Variants in DAPP1 observed in about 807,000 individuals in gnomAD.
The protein encoded by DAPP1 is dual adaptor of phosphotyrosine and 3-phosphoinositides 1.
DAPP1 carries 20 observed loss-of-function variants against 41.5 expected under a neutral mutation model. The observed-to-expected ratio is 0.48, with a 90% CI of 0.34 to 0.70. DAPP1 has a LOEUF of 0.70. Ranked by LOEUF, DAPP1 falls within the 30% of genes least tolerant of loss-of-function variation. DAPP1 has a pLI of 0.01. For missense variants in DAPP1, 233 were observed against 333.4 expected (o/e 0.70, Z 2.35); for synonymous variants, 113 against 116.2 (o/e 0.97, Z 0.18).
At chr4:99,821,370 A>G (rs775479040) in intron 1 of DAPP1, among the ~76,000 whole-genome samples, 1 of 152,234 alleles carries the variant, frequency 6.6e-6, no homozygotes, top group Non-Finnish European at 1.5e-5. Context: ...GAGCTGAGAG[A>G]CACACCTAGG....
At chr4:99,867,077 T>C (rs1198577750) in intron 8 of DAPP1, among the ~76,000 whole-genome samples, 1 of 152,162 alleles carries the variant, frequency 6.6e-6, no homozygotes, top group African/African-American at 2.4e-5. Context: ...GCCAGATGAT[T>C]TCAAACAAAA....
At chr4:99,822,285 C>T (rs560113446) in intron 1 of DAPP1, among the ~76,000 whole-genome samples, 1 of 152,270 alleles carries the variant, frequency 6.6e-6, no homozygotes, top group Admixed American at 6.5e-5. Flanking sequence ...ATAGATCTAT[C>T]TGTTGTATGA....
At chr4:99,824,703 C>T (rs1722881434) in intron 1 of DAPP1, among the ~76,000 whole-genome samples, 1 of 152,168 alleles carries the variant, frequency 6.6e-6, no homozygotes, top group Admixed American at 6.5e-5. Flanking sequence ...ACAAGAGTAA[C>T]CATAGTAAGC....
intron 2 of DAPP1, among the ~76,000 whole-genome samples, chr4:99,836,707 G>A (rs1723312554): frequency 6.6e-6 from 1 of 152,160 alleles, no homozygotes; most frequent in African/African-American, 2.4e-5. Flanking sequence ...CATTCACATT[G>A]TCTCTTTGGG....
At chr4:99,821,554 G>A (rs1276329730) in intron 1 of DAPP1, among the ~76,000 whole-genome samples, 5 of 152,230 alleles carry the variant, frequency 3.3e-5, no homozygotes, top group Non-Finnish European at 5.9e-5. Context: ...TGTGAGGTGG[G>A]TATTATTACT....
chr4:99,864,407 T>C (rs982743003), intron 7 of DAPP1: 2 of 152,116 alleles, frequency 1.3e-5, no homozygotes, highest in African/African-American at 2.4e-5. Context: ...ATTTGCTTTA[T>C]CCTAGTCTAT....
At chr4:99,860,360 GT>G (rs1326843376) in intron 4 of DAPP1, among the ~76,000 whole-genome samples, 1 of 152,112 alleles carries the variant, frequency 6.6e-6, no homozygotes, top group African/African-American at 2.4e-5. Context: ...TTTACTCCTA[GT>G]TATTTTGCCT....
chr4:99,823,351 G>C (rs1722836272), intron 1 of DAPP1, among the ~76,000 whole-genome samples: 1 of 151,930 alleles, frequency 6.6e-6, no homozygotes, highest in African/African-American at 2.4e-5. Flanking sequence ...AAAAATTAGA[G>C]AGATGAAGAG....
intron 1 of DAPP1, among the ~76,000 whole-genome samples, chr4:99,828,822 CA>C (rs1266338693): frequency 1.3e-5 from 2 of 152,094 alleles, no homozygotes; most frequent in African/African-American, 4.8e-5. Context: ...CTTATAAACC[CA>C]GTACAAATAT....
chr4:99,836,218 T>C (rs190263257), intron 2 of DAPP1, among the ~76,000 whole-genome samples: 2 of 152,322 alleles, frequency 1.3e-5, no homozygotes, highest in Admixed American at 1.3e-4. Flanking sequence ...TAGCTTTTCA[T>C]ATTGAGTCTC....
At chr4:99,863,958 G>T in intron 7 of DAPP1, 103 bp downstream of exon 7, 2 of 739,200 alleles carry the variant, frequency 2.7e-6, no homozygotes, top group Non-Finnish European at 2.2e-6. Flanking sequence ...ACAAAGATCA[G>T]ATATGAGGGG....
intron 2 of DAPP1, among the ~76,000 whole-genome samples, chr4:99,839,305 G>A (rs1322460879): frequency 2.6e-5 from 4 of 151,566 alleles, no homozygotes; most frequent in Non-Finnish European, 5.9e-5. Context: ...AGCAGGAAGT[G>A]AGGCTAGAAA....
At chr4:99,871,479 A>C (rs1385026307), downstream of DAPP1, among the ~76,000 whole-genome samples, 1 of 152,204 alleles carries the variant, frequency 6.6e-6, no homozygotes. Context: ...TTTTAGAAAA[A>C]TCAAGAAAAA....
rs1354442197 is a variant in DAPP1, at chr4:99,863,775, A to G, written c.606A>G (p.Pro202=). 1.2e-5 allele frequency: 19 copies of G among 1,578,954 alleles called. No homozygotes were observed. The highest frequency in any genetic ancestry group is 1.6e-5 in the Non-Finnish European group (19 of 1,161,484). ...TTGCTTTTTATTTTATTTAGTCACCAGAACCAATTCGGATCCTAGACCTAA... is the reference window on the plus strand; with the variant it reads ...TTGCTTTTTATTTTATTTAGTCACCGGAACCAATTCGGATCCTAGACCTAA... The part of the protein sequence containing the change: ...ELKYFKDQMS[P]EPIRILDLTE... Residue 202 remains proline (P), a synonymous_variant, in exon 7 of 9, where the codon CCA becomes CCG. Coordinates refer to ENST00000512369, the MANE Select transcript of DAPP1 (RefSeq NM_014395.3).
chr4:99,859,596 A>G (rs1002947339), intron 4 of DAPP1, among the ~76,000 whole-genome samples: 11 of 152,284 alleles, frequency 7.2e-5, no homozygotes, highest in South Asian at 2.1e-4. Flanking sequence ...TATGGATCTT[A>G]TCATCCTCAG....
intron 1 of DAPP1, among the ~76,000 whole-genome samples, chr4:99,818,649 T>G (rs934561989): frequency 2.6e-5 from 4 of 151,618 alleles, no homozygotes; most frequent in African/African-American, 9.7e-5. Flanking sequence ...GTGCAAAGAA[T>G]AGACATTGAA....
intron 3 of DAPP1, among the ~76,000 whole-genome samples, chr4:99,841,586 T>A (rs1723498511): frequency 6.6e-6 from 1 of 152,246 alleles, no homozygotes; most frequent in Admixed American, 6.5e-5. Context: ...TTTCCACTGC[T>A]ACCTTGGCCT....
Position 99,816,855 on chromosome 4 carries a change from GA to G in DAPP1, c.-58del. ...ATAGCAGGCTGCTGTCTCACAGAGC[GA>G]GAAGGTGTCAGGAGCAGCCCAGTTG... On this transcript the variant is annotated 5_prime_UTR_variant, in exon 1 of 9. Transcript: ENST00000512369. 6.9e-7 allele frequency: 1 copy of G among 1,450,364 alleles called. No individual in the cohort carries two copies. Among genetic ancestry groups the G allele is most frequent in the Non-Finnish European group, 9.4e-7 (1 of 1,061,296 alleles). The allele number at this position is 1,450,364 out of a possible 1,614,324, so 89.8% of individuals were successfully genotyped here.
At chr4:99,839,467 G>A (rs1221585036) in intron 2 of DAPP1, among the ~76,000 whole-genome samples, 1 of 150,968 alleles carries the variant, frequency 6.6e-6, no homozygotes, top group Non-Finnish European at 1.5e-5. Context: ...AAATGAAGTG[G>A]AAAATGACAA....
Sources: allele counts gnomAD v4.1 joint callset (sites outside exome capture counted in the v4.1 genomes callset), GRCh38; gene constraint gnomAD v4.1.1; transcripts MANE v1.5; gene names NCBI Gene and HGNC (gene_info 2026-07-23, HGNC 2026-07-21).